SQOR: variants seen among roughly 807,000 people sequenced by gnomAD.
SQOR encodes sulfide quinone oxidoreductase, also known as sulfide:quinone oxidoreductase, mitochondrial.
SQOR carries 39 observed loss-of-function variants against 48.6 expected under a neutral mutation model. The ratio of observed to expected loss-of-function variants is 0.80; its 90% CI spans 0.62 to 1.05. The LOEUF (loss-of-function observed/expected upper bound fraction) is 1.05, where lower values mean the gene tolerates loss of function less well. SQOR is among the 50% of genes least tolerant of loss of function. The pLI is 0.00. For missense variants in SQOR, 561 were observed against 559.9 expected (o/e 1.00, Z -0.02); for synonymous variants, 220 against 206.2 (o/e 1.07, Z -0.57).
At chr15:45,682,386 A>C in intron 6 of SQOR, 92 bp from the exon 7 acceptor site, 1 of 1,349,314 alleles carries the variant, frequency 7.4e-7, no homozygotes, top group East Asian at 2.4e-5. Context: ...CAGCCATAGC[A>C]CAGTGTATAG....
At chr15:45,670,369 G>A (rs1256887027) in intron 4 of SQOR, among the ~76,000 whole-genome samples, 1 of 152,176 alleles carries the variant, frequency 6.6e-6, no homozygotes, top group Non-Finnish European at 1.5e-5. Context: ...TTTAAGGGGT[G>A]GAACACCAGC....
At chr15:45,648,984 T>C (rs566073202) in intron 1 of SQOR, among the ~76,000 whole-genome samples, 1 of 152,292 alleles carries the variant, frequency 6.6e-6, no homozygotes, top group South Asian at 2.1e-4. Flanking sequence ...AAAGCAAAAA[T>C]AGCTGAAGGG....
chr15:45,653,203 C>T (rs757498303), intron 1 of SQOR, among the ~76,000 whole-genome samples: 7 of 152,146 alleles, frequency 4.6e-5, no homozygotes, highest in East Asian at 1.9e-4. Context: ...GTGGAGGCCC[C>T]GTAGTTTAAA....
chr15:45,646,328 A>G (rs929440120), intron 1 of SQOR, among the ~76,000 whole-genome samples: 1 of 152,224 alleles, frequency 6.6e-6, no homozygotes, highest in Admixed American at 6.5e-5. Context: ...TGCTGCTGCA[A>G]AGGATATTCA....
At chr15:45,680,798 A>G (rs1003166284) in intron 6 of SQOR, among the ~76,000 whole-genome samples, 3 of 152,194 alleles carry the variant, frequency 2.0e-5, no homozygotes, top group African/African-American at 4.8e-5. Context: ...TGATGATTAT[A>G]TGAAAGTATT....
At chr15:45,670,080 G>A in intron 4 of SQOR, 99 bp downstream of exon 4, 1 of 1,137,442 alleles carries the variant, frequency 8.8e-7, no homozygotes, top group Non-Finnish European at 1.3e-6. Context: ...ACAAGAAAGG[G>A]GTTCTAAGAA....
intron 3 of SQOR, among the ~76,000 whole-genome samples, chr15:45,666,262 G>A (rs1370290491): frequency 5.3e-5 from 8 of 152,156 alleles, no homozygotes; most frequent in Admixed American, 5.2e-4. Flanking sequence ...GTTATCCCTT[G>A]ATGTGCTATC....
intron 4 of SQOR, among the ~76,000 whole-genome samples, chr15:45,671,716 T>C (rs1265434834): frequency 6.6e-6 from 1 of 152,094 alleles, no homozygotes; most frequent in Non-Finnish European, 1.5e-5. Context: ...GATCTCCACT[T>C]TGGGTTCTGT....
chr15:45,667,322 TTACTATGAAATGTC>T (rs1168294318), intron 3 of SQOR, among the ~76,000 whole-genome samples: 2 of 151,716 alleles, frequency 1.3e-5, no homozygotes, highest in Non-Finnish European at 2.9e-5. Flanking sequence ...TTTTAAAAAA[TTACTATGAAATGTC>T]TATTTAGTAG....
At chr15:45,636,789 T>G (rs1895014303) in intron 1 of SQOR, among the ~76,000 whole-genome samples, 1 of 152,210 alleles carries the variant, frequency 6.6e-6, no homozygotes, top group Admixed American at 6.5e-5. Flanking sequence ...GAAGTAAATG[T>G]TAAATTTCAG....
At chr15:45,652,863 C>G (rs767948363) in intron 1 of SQOR, among the ~76,000 whole-genome samples, 25 of 151,088 alleles carry the variant, frequency 1.7e-4, no homozygotes, top group Non-Finnish European at 3.1e-4. Context: ...CCCAGCTACT[C>G]GTGGGGGCCG....
chr15:45,641,096 T>C (rs2140937167), intron 1 of SQOR, among the ~76,000 whole-genome samples: 1 of 152,326 alleles, frequency 6.6e-6, no homozygotes, highest in African/African-American at 2.4e-5. Flanking sequence ...AATAATCCAA[T>C]TGACTGACAT....
intron 1 of SQOR, among the ~76,000 whole-genome samples, chr15:45,640,609 A>G (rs1895088740): frequency 6.6e-6 from 1 of 152,212 alleles, no homozygotes; most frequent in Non-Finnish European, 1.5e-5. Context: ...GTGTTTTCTC[A>G]TTATGGTAAG....
intron 6 of SQOR, among the ~76,000 whole-genome samples, chr15:45,677,267 A>G (rs1172530364): frequency 6.6e-6 from 1 of 150,916 alleles, no homozygotes; most frequent in Non-Finnish European, 1.5e-5. Flanking sequence ...ATCCATATCT[A>G]GTTTTTCCAA....
intron 1 of SQOR, among the ~76,000 whole-genome samples, chr15:45,641,486 T>C (rs1895103818): frequency 6.6e-6 from 1 of 152,248 alleles, no homozygotes; most frequent in Non-Finnish European, 1.5e-5. Flanking sequence ...CTGGTGTACT[T>C]GCTTCACAGC....
At chr15:45,683,782 C>A (rs923452453) in intron 7 of SQOR, among the ~76,000 whole-genome samples, 1 of 151,594 alleles carries the variant, frequency 6.6e-6, no homozygotes, top group African/African-American at 2.4e-5. Context: ...CAGGTATTAA[C>A]CAATTATTAA....
In SQOR at chr15:45,659,011, C is replaced by A; in HGVS notation, c.88C>A (p.Leu30Ile). 6.2e-7 allele frequency: 1 copy of A among 1,603,984 alleles called. No homozygotes were observed. ...LRLGTQQVGP[L>I]QLHTGASHAA... ...GCTGGGCACTCAGCAGGTCGGCCCCCTTCAGCTGCACACCGGGGCCAGCCA... is the reference window on the plus strand; with the variant it reads ...GCTGGGCACTCAGCAGGTCGGCCCCATTCAGCTGCACACCGGGGCCAGCCA... The change falls in exon 2 of 10, where the codon CTT (leucine) becomes ATT (isoleucine). Residue 30 changes from leucine to isoleucine, a missense_variant. By Grantham distance (5) the Leu-to-Ile change is conservative (BLOSUM62 2). Transcript: ENST00000260324.
At chr15:45,642,579 T>C (rs78975363) in intron 1 of SQOR, among the ~76,000 whole-genome samples, 15,070 of 152,018 alleles carry the variant, frequency 0.099, 852 homozygotes, top group Middle Eastern at 0.25. Context: ...TAGTAACACA[T>C]GCCTATCCAA....
chr15:45,663,196 T>C (rs570858762), intron 3 of SQOR, among the ~76,000 whole-genome samples: 4 of 152,254 alleles, frequency 2.6e-5, no homozygotes, highest in Admixed American at 1.3e-4. Flanking sequence ...TTTTGTATTT[T>C]TTGGTAGTGA....
Sources: allele counts gnomAD v4.1 joint callset (sites outside exome capture counted in the v4.1 genomes callset), GRCh38; gene constraint gnomAD v4.1.1; transcripts MANE v1.5; gene names NCBI Gene and HGNC (gene_info 2026-07-23, HGNC 2026-07-21).